CLSTN2: variants seen among roughly 807,000 people sequenced by gnomAD.
The protein encoded by CLSTN2 is calsyntenin-2.
Under a neutral mutation model 101.2 loss-of-function variants are expected in CLSTN2, and 48 were observed. The observed-to-expected ratio is 0.47, with a 90% CI of 0.38 to 0.60. The LOEUF (loss-of-function observed/expected upper bound fraction) is 0.60. CLSTN2 is among the 20% of genes least tolerant of loss of function. CLSTN2 has a pLI of 0.00. For missense variants in CLSTN2, 1,160 were observed against 1,238.2 expected, an observed-to-expected ratio of 0.94 and a Z score of 0.95; for synonymous variants, 481 against 463.6, an observed-to-expected ratio of 1.04 and a Z score of -0.48.
At chr3:140,215,779 A>T (rs542764030) in intron 2 of CLSTN2, among the ~76,000 whole-genome samples, 24 of 152,344 alleles carry the variant, frequency 1.6e-4, no homozygotes, top group Admixed American at 1.4e-3. Flanking sequence ...CCGCATTGTT[A>T]TAAGGATTAA....
chr3:140,223,454 AG>A (rs969169854), intron 2 of CLSTN2, among the ~76,000 whole-genome samples: 1 of 152,148 alleles, frequency 6.6e-6, no homozygotes, highest in African/African-American at 2.4e-5. Context: ...AGGGAGCTAA[AG>A]GGGGTCCTTG....
chr3:140,562,772 T>C, intron 13 of CLSTN2, 39 bp from the exon 14 acceptor site: 1 of 1,607,844 alleles, frequency 6.2e-7, no homozygotes, highest in South Asian at 1.1e-5. Flanking sequence ...TCCTCCTCCT[T>C]TTCTGCCTTC....
chr3:139,940,915 GGTC>G (rs1935115334), intron 1 of CLSTN2, among the ~76,000 whole-genome samples: 1 of 152,046 alleles, frequency 6.6e-6, no homozygotes, highest in Non-Finnish European at 1.5e-5. Context: ...GGGAGGTTCT[GGTC>G]TCTGGAGGGA....
At chr3:140,470,300 T>A (rs1484751402) in intron 8 of CLSTN2, among the ~76,000 whole-genome samples, 1 of 152,230 alleles carries the variant, frequency 6.6e-6, no homozygotes, top group African/African-American at 2.4e-5. Context: ...CAACAGACAG[T>A]TTACAGTTCC....
intron 10 of CLSTN2, among the ~76,000 whole-genome samples, chr3:140,549,083 T>C (rs1214070318): frequency 7.1e-6 from 1 of 141,426 alleles, no homozygotes; most frequent in Non-Finnish European, 1.5e-5. Flanking sequence ...TTCCTTAGGG[T>C]TTTGTCAATC....
intron 2 of CLSTN2, among the ~76,000 whole-genome samples, chr3:140,234,402 G>T (rs2086397933): frequency 6.6e-6 from 1 of 152,002 alleles, no homozygotes; most frequent in South Asian, 2.1e-4. Context: ...CTTACCAATG[G>T]TGTGAACTGG....
chr3:139,963,026 A>G (rs950920282), intron 1 of CLSTN2, among the ~76,000 whole-genome samples: 6 of 152,146 alleles, frequency 3.9e-5, no homozygotes, highest in African/African-American at 1.2e-4. Context: ...TATTATTATT[A>G]CAACACATTA....
intron 8 of CLSTN2, among the ~76,000 whole-genome samples, chr3:140,517,671 C>T (rs58159053): frequency 0.062 from 9,492 of 152,148 alleles, 701 homozygotes; most frequent in East Asian, 0.3. Flanking sequence ...TGATGTGAAC[C>T]GTCTTCAGTT....
intron 2 of CLSTN2, among the ~76,000 whole-genome samples, chr3:140,229,158 A>G (rs1177001424): frequency 6.6e-6 from 1 of 152,120 alleles, no homozygotes; most frequent in African/African-American, 2.4e-5. Context: ...GGATTGCAGG[A>G]GCCTAGATAG....
intron 8 of CLSTN2, among the ~76,000 whole-genome samples, chr3:140,469,672 CTG>C (rs1409507168): frequency 6.6e-6 from 1 of 152,188 alleles, no homozygotes; most frequent in Non-Finnish European, 1.5e-5. Flanking sequence ...CACTGAACTC[CTG>C]GAGGGCACGG....
At chr3:140,246,266 G>T (rs545242385) in intron 2 of CLSTN2, among the ~76,000 whole-genome samples, 2 of 152,132 alleles carry the variant, frequency 1.3e-5, no homozygotes, top group Non-Finnish European at 2.9e-5. Context: ...CATGAATTTT[G>T]ATCTGCATGA....
chr3:140,072,455 A>G (rs373535421), intron 1 of CLSTN2, among the ~76,000 whole-genome samples: 38 of 152,338 alleles, frequency 2.5e-4, no homozygotes, highest in Admixed American at 8.5e-4. Context: ...TACAAATAAA[A>G]TTCAAATTAA....
intron 8 of CLSTN2, among the ~76,000 whole-genome samples, chr3:140,513,060 C>T (rs1934845589): frequency 6.6e-6 from 1 of 152,174 alleles, no homozygotes; most frequent in East Asian, 1.9e-4. Flanking sequence ...CATCTGCAAG[C>T]AAAGATAACT....
At chr3:140,120,816 A>G (rs1412452483) in intron 1 of CLSTN2, among the ~76,000 whole-genome samples, 1 of 152,100 alleles carries the variant, frequency 6.6e-6, no homozygotes, top group Non-Finnish European at 1.5e-5. Context: ...GTTCTGTTCA[A>G]CCACCTGGGC....
At chr3:140,294,820 G>C (rs1351407315) in intron 2 of CLSTN2, among the ~76,000 whole-genome samples, 1 of 152,174 alleles carries the variant, frequency 6.6e-6, no homozygotes, top group East Asian at 1.9e-4. Flanking sequence ...CAGAGTGCCA[G>C]CATGGTTGGG....
Position 139,949,565 on chromosome 3 carries a change from G to A in CLSTN2, c.109+14082G>A, listed in dbSNP as rs1022304698. On this transcript the variant is annotated intron_variant, in intron 1 of 16. Coordinates refer to ENST00000458420, the MANE Select transcript of CLSTN2 (RefSeq NM_022131.3). ...GACCTTTTGGGTATAAGTTATGGCT[G>A]GGGAGCGGAAGCTAGATAGCCCAGG... Among the ~76,000 whole-genome samples, 7 of 152,292 alleles carry A rather than the reference G, an allele frequency of 4.6e-5. No homozygotes were observed. The South Asian group carries it at 1.5e-3, about 32-fold the overall frequency.
chr3:140,069,332 C>T (rs1457394728), intron 1 of CLSTN2, among the ~76,000 whole-genome samples: 2 of 152,118 alleles, frequency 1.3e-5, no homozygotes, highest in African/African-American at 4.8e-5. Flanking sequence ...TCAGGAGCAT[C>T]CTGGGTACAG....
At chr3:140,198,649 G>A (rs560167688) in intron 2 of CLSTN2, among the ~76,000 whole-genome samples, 3 of 152,298 alleles carry the variant, frequency 2.0e-5, no homozygotes, top group African/African-American at 7.2e-5. Flanking sequence ...TAAAGAAGGG[G>A]TCAGCAAACT....
At chr3:140,434,905 A>C (rs1021351237) in intron 5 of CLSTN2, among the ~76,000 whole-genome samples, 1 of 152,124 alleles carries the variant, frequency 6.6e-6, no homozygotes, top group African/African-American at 2.4e-5. Context: ...TTTTAAAAAA[A>C]ATTTTTTTAA....
Sources: allele counts gnomAD v4.1 joint callset (sites outside exome capture counted in the v4.1 genomes callset), GRCh38; gene constraint gnomAD v4.1.1; transcripts MANE v1.5; gene names NCBI Gene and HGNC (gene_info 2026-07-23, HGNC 2026-07-21).